The following LINGO1 variants were observed in gnomAD, a reference collection of about 807,000 sequenced individuals.
LINGO1 encodes the protein leucine-rich repeat and immunoglobulin-like domain-containing nogo receptor-interacting protein 1.
LINGO1 carries 11 observed loss-of-function variants against 37.3 expected under a neutral mutation model. The ratio of observed to expected loss-of-function variants is 0.29; its 90% CI spans 0.19 to 0.49. The LOEUF (loss-of-function observed/expected upper bound fraction) is 0.49, where lower values mean the gene tolerates loss of function less well. Ranked by LOEUF, LINGO1 falls within the 20% of genes least tolerant of loss-of-function variation. LINGO1 has a pLI of 0.99. For missense variants in LINGO1, 585 were observed against 878.2 expected (o/e 0.67, Z 4.22); for synonymous variants, 387 against 403.0 (o/e 0.96, Z 0.48).
chr15:77,804,017 G>T (rs1277641271), intron 1 of LINGO1, among the ~76,000 whole-genome samples: 1 of 152,114 alleles, frequency 6.6e-6, no homozygotes, highest in African/African-American at 2.4e-5. Context: ...GGAACACCTA[G>T]CATCTCATCC....
At chr15:77,711,052 G>T (rs986739760) in intron 2 of LINGO1, among the ~76,000 whole-genome samples, 6 of 152,092 alleles carry the variant, frequency 3.9e-5, no homozygotes, top group African/African-American at 1.4e-4. Flanking sequence ...CTGAGCCTTT[G>T]CTCACCCAGA....
chr15:77,815,900 T>C (rs1417715037), intron 1 of LINGO1, among the ~76,000 whole-genome samples: 3 of 152,188 alleles, frequency 2.0e-5, no homozygotes, highest in African/African-American at 2.4e-5. Flanking sequence ...ACCTTCTCCA[T>C]GCCCCCATGT....
upstream of LINGO1, among the ~76,000 whole-genome samples, chr15:77,787,512 G>A (rs1335438307): frequency 6.6e-6 from 1 of 151,812 alleles, no homozygotes; most frequent in Non-Finnish European, 1.5e-5. Flanking sequence ...GGGTCCCGGT[G>A]GAGGGTTCCC....
At chr15:77,651,755 T>G (rs1007658432) in intron 3 of LINGO1, 1 of 152,222 alleles carries the variant, frequency 6.6e-6, no homozygotes, top group African/African-American at 2.4e-5. Flanking sequence ...CTCCAGCAAG[T>G]GAAGACATCA....
At chr15:77,654,088 G>C (rs2074818397) in intron 3 of LINGO1, among the ~76,000 whole-genome samples, 1 of 152,216 alleles carries the variant, frequency 6.6e-6, no homozygotes. Flanking sequence ...ACAAGAGAAG[G>C]CTTTAAGACC....
intron 1 of LINGO1, among the ~76,000 whole-genome samples, chr15:77,625,558 A>T (rs1351161249): frequency 6.6e-6 from 1 of 152,132 alleles, no homozygotes; most frequent in Non-Finnish European, 1.5e-5. Flanking sequence ...CTAACATAGC[A>T]TTGGCTATGT....
intron 3 of LINGO1, among the ~76,000 whole-genome samples, chr15:77,657,022 G>A (rs560341526): frequency 4.6e-4 from 70 of 152,228 alleles, no homozygotes; most frequent in African/African-American, 1.5e-3. Context: ...AACTCTCCCC[G>A]TGCCCACCCA....
intron 2 of LINGO1, among the ~76,000 whole-genome samples, chr15:77,683,718 C>T (rs1037015803): frequency 6.6e-6 from 1 of 152,106 alleles, no homozygotes; most frequent in Non-Finnish European, 1.5e-5. Context: ...AGGCCAACAG[C>T]AGTGGGACAT....
intron 2 of LINGO1, among the ~76,000 whole-genome samples, chr15:77,708,183 T>C (rs2075875561): frequency 6.6e-6 from 1 of 152,136 alleles, no homozygotes; most frequent in South Asian, 2.1e-4. Context: ...CCAGGCTGAG[T>C]CCTGGAGTGA....
chr15:77,665,185 G>A (rs1002157836), intron 3 of LINGO1, among the ~76,000 whole-genome samples: 23 of 152,274 alleles, frequency 1.5e-4, no homozygotes, highest in Admixed American at 1.4e-3. Context: ...GCTTCCAGAG[G>A]TGACTCCAGA....
upstream of LINGO1, among the ~76,000 whole-genome samples, chr15:77,698,033 C>T (rs1261093405): frequency 6.6e-6 from 1 of 152,074 alleles, no homozygotes; most frequent in East Asian, 1.9e-4. Context: ...TCATTGCAGC[C>T]GCCACCTGGG....
chr15:77,775,580 C>A (rs2076628830), intron 1 of LINGO1, among the ~76,000 whole-genome samples: 2 of 152,122 alleles, frequency 1.3e-5, no homozygotes, highest in South Asian at 2.1e-4. Flanking sequence ...TGTGGGCCCA[C>A]CACACCCAGC....
At chr15:77,626,604 T>C (rs2142561849) in intron 1 of LINGO1, among the ~76,000 whole-genome samples, 1 of 152,268 alleles carries the variant, frequency 6.6e-6, no homozygotes, top group African/African-American at 2.4e-5. Flanking sequence ...AAGCCCAGAC[T>C]TGGGGGAGGA....
chr15:77,770,992 G>A (rs1046277869), intron 1 of LINGO1, among the ~76,000 whole-genome samples: 31 of 152,222 alleles, frequency 2.0e-4, no homozygotes, highest in Non-Finnish European at 3.1e-4. Flanking sequence ...TCAGAAAGCT[G>A]AACCCCACCT....
chr15:77,660,156 A>G (rs1195225873), intron 3 of LINGO1: 1 of 151,740 alleles, frequency 6.6e-6, no homozygotes, highest in Admixed American at 6.6e-5. Flanking sequence ...AGCTCCACTC[A>G]CTCTATAGGG....
chr15:77,664,168 T>TGCGC (rs1459404193), intron 3 of LINGO1, among the ~76,000 whole-genome samples: 13 of 120,328 alleles, frequency 1.1e-4, no homozygotes, highest in Admixed American at 6.7e-4. Flanking sequence ...TGTGTGTGTG[T>TGCGC]GTGCGCGCGC....
intron 1 of LINGO1, among the ~76,000 whole-genome samples, chr15:77,802,447 G>C (rs566191445): frequency 1.3e-5 from 2 of 152,164 alleles, no homozygotes; most frequent in Admixed American, 6.5e-5. Flanking sequence ...GTGTATGTTA[G>C]GAGGTATAGG....
At chr15:77,809,545 G>A (rs1007478686) in intron 1 of LINGO1, among the ~76,000 whole-genome samples, 2 of 152,058 alleles carry the variant, frequency 1.3e-5, no homozygotes, top group Admixed American at 1.3e-4. Context: ...GCTATGCCCC[G>A]CCCCGACCCG....
chr15:77,655,762 C>T (rs2074851838), intron 3 of LINGO1, among the ~76,000 whole-genome samples: 1 of 152,174 alleles, frequency 6.6e-6, no homozygotes, highest in African/African-American at 2.4e-5. Flanking sequence ...CCTGTGTTCT[C>T]AGGACACCCA....
Sources: allele counts gnomAD v4.1 joint callset (sites outside exome capture counted in the v4.1 genomes callset), GRCh38; gene constraint gnomAD v4.1.1; transcripts MANE v1.5; gene names NCBI Gene and HGNC (gene_info 2026-07-23, HGNC 2026-07-21).